Variants in RET observed in about 807,000 individuals in gnomAD.
RET encodes the protein ret proto-oncogene.
Under a neutral mutation model 118.3 loss-of-function variants are expected in RET, and 19 were observed. The observed-to-expected ratio is 0.16, with a 90% CI of 0.11 to 0.24. The LOEUF is 0.24. RET is among the 10% of genes least tolerant of loss of function. The pLI, the probability that RET is intolerant of heterozygous loss-of-function variation, is 1.00. For missense variants in RET, 1,219 were observed against 1,502.1 expected (o/e 0.81, Z 3.12); for synonymous variants, 597 against 644.1 (o/e 0.93, Z 1.11).
chr10:43,088,219 G>C (rs1837333428), intron 1 of RET, among the ~76,000 whole-genome samples: 1 of 150,970 alleles, frequency 6.6e-6, no homozygotes, highest in South Asian at 2.1e-4. Flanking sequence ...GGGAATGGTG[G>C]TGGTGGAGGC....
rs267607010 is a variant in RET, at chr10:43,114,497, C to G, written c.1897C>G (p.Leu633Val). 3.7e-6 allele frequency: 6 copies of G among 1,607,500 alleles called. No individual in the cohort carries two copies. In the African/African-American group the frequency reaches 8.0e-5, roughly 21 times the overall value. ...ACCCACAGATCCACTGTGCGACGAG[C>G]TGTGCCGCACGGTGATCGCAGCCGC... ...EDIQDPLCDELCRTVIAAAVL... is the reference protein window; with the variant it reads ...EDIQDPLCDEVCRTVIAAAVL... The change falls in exon 11 of 20, where the codon CTG becomes GTG. Residue 633 changes from leucine to valine, a missense_variant. By Grantham distance (32) the Leu-to-Val change is conservative. Around this residue, in one of 5 missense-constraint regions of RET, gnomAD observed 850 missense variants for 969.6 expected, o/e 0.88. Coordinates refer to ENST00000355710, the MANE Select transcript of RET (RefSeq NM_020975.6). This position sits in a 1 kb window ranked among gnomAD's most constrained non-coding sequence, Gnocchi z 4.6.
chr10:43,119,427 A>C, intron 13 of RET, 104 bp from the exon 14 acceptor site: 1 of 895,818 alleles, frequency 1.1e-6, no homozygotes, highest in Admixed American at 2.1e-5. Context: ...CCCCTTACTC[A>C]TTGGGTGGCC....
At chr10:43,087,487 A>G (rs1240874492) in intron 1 of RET, among the ~76,000 whole-genome samples, 1 of 152,252 alleles carries the variant, frequency 6.6e-6, no homozygotes, top group African/African-American at 2.4e-5. Flanking sequence ...TGCAGAGACC[A>G]GTGTTTTCTT....
chr10:43,107,559 TCACACACACACACACACACACACA>T (rs59876947), intron 5 of RET, among the ~76,000 whole-genome samples: 16 of 140,732 alleles, frequency 1.1e-4, no homozygotes, highest in Admixed American at 8.6e-4. Context: ...CCCCCATGCC[TCACACACACACACACACACACACA>T]CACACACACA....
chr10:43,080,248 G>C (rs978198325), intron 1 of RET, among the ~76,000 whole-genome samples: 3 of 152,162 alleles, frequency 2.0e-5, no homozygotes, highest in Non-Finnish European at 4.4e-5. Flanking sequence ...GGAAGGGAAG[G>C]CCCGGAAGCT....
chr10:43,126,478 C>T, intron 18 of RET, 97 bp from the exon 19 acceptor site: 1 of 1,110,996 alleles, frequency 9.0e-7, no homozygotes, highest in Non-Finnish European at 1.4e-6. Context: ...GGTGGAGACA[C>T]AGCCAGAGCC....
intron 4 of RET, 117 bp downstream of exon 4, chr10:43,105,310 C>G (rs1837744670): frequency 6.7e-7 from 1 of 1,485,982 alleles, no homozygotes; most frequent in Non-Finnish European, 9.2e-7. Flanking sequence ...TTCGCGCTTT[C>G]ATTTGTCCTT....
At chr10:43,102,995 T>A (rs1450620937) in intron 3 of RET, among the ~76,000 whole-genome samples, 1 of 150,004 alleles carries the variant, frequency 6.7e-6, no homozygotes, top group African/African-American at 2.4e-5. Flanking sequence ...CATTCCTCTA[T>A]CGTAAATTGG....
In RET at chr10:43,100,731, G is replaced by A. The variant is rs2435351; in HGVS notation, c.337+9G>A. 0.25 allele frequency: 396,526 copies of A among 1,583,280 alleles called. 52,243 individuals are homozygous for A. The highest frequency in any genetic ancestry group is 0.32 in the Admixed American group (17,793 of 55,680). ...GAAGCTCAGTGTCCGCAGTAAGGGA[G>A]CCGCCCCAACACCCACCCCGTGCCC... On this transcript the variant is annotated intron_variant, in intron 2 of 19. Coordinates refer to ENST00000355710, the MANE Select transcript of RET (RefSeq NM_020975.6).
intron 13 of RET, 38 bp downstream of exon 13, chr10:43,118,518 A>C (rs776801577): frequency 2.0e-6 from 3 of 1,493,046 alleles, no homozygotes; most frequent in African/African-American, 1.4e-5. Context: ...CAGCCACTGC[A>C]CCCAGGCTGG....
In RET at chr10:43,087,104, A is replaced by G. The variant is rs542085465; in HGVS notation, c.73+9773A>G. On this transcript the variant is annotated intron_variant, in intron 1 of 19. Transcript: ENST00000355710. ...TGTTTTCTGGCATGGGATGGGGTGA[A>G]TGATATCTCTGTTCTACAGCAGGGG... Among the ~76,000 whole-genome samples the G allele has an allele frequency of 6.6e-5, 10 of 152,312 alleles. No individual in the cohort carries two copies. In the South Asian group the frequency reaches 2.1e-3, roughly 32 times the overall value.
At chr10:43,102,767 G>A (rs1437155734) in intron 3 of RET, 138 bp downstream of exon 3, 2 of 1,076,898 alleles carry the variant, frequency 1.9e-6, no homozygotes, top group African/African-American at 1.6e-5. Flanking sequence ...AGTACCTCTT[G>A]CATGCCTGCC....
chr10:43,090,121 G>T (rs1415565869), intron 1 of RET, among the ~76,000 whole-genome samples: 1 of 152,242 alleles, frequency 6.6e-6, no homozygotes, highest in Non-Finnish European at 1.5e-5. Context: ...ACATGTGTGA[G>T]TAGGCCCAGG....
At chr10:43,119,323 C>G (rs543316127) in intron 13 of RET, among the ~76,000 whole-genome samples, 2 of 152,314 alleles carry the variant, frequency 1.3e-5, no homozygotes, top group Admixed American at 1.3e-4. Flanking sequence ...CAGCAGGAGG[C>G]AGAGAGCAAG....
intron 1 of RET, among the ~76,000 whole-genome samples, chr10:43,077,730 T>C (rs1405623058): frequency 6.6e-6 from 1 of 152,192 alleles, no homozygotes. Flanking sequence ...CCGCGATTCG[T>C]GCGGAGAGTT....
At chr10:43,079,509 G>A (rs1232296245) in intron 1 of RET, among the ~76,000 whole-genome samples, 1 of 152,228 alleles carries the variant, frequency 6.6e-6, no homozygotes, top group African/African-American at 2.4e-5. Flanking sequence ...AGATACAGCT[G>A]TCCCCGTTGC....
At chr10:43,098,421 C>CTTTTTT (rs36075879) in intron 1 of RET, among the ~76,000 whole-genome samples, 1 of 129,788 alleles carries the variant, frequency 7.7e-6, no homozygotes, top group Non-Finnish European at 1.6e-5. Flanking sequence ...GATTTTCCTC[C>CTTTTTT]TTTTTTTTTT....
chr10:43,110,669 C>A (rs1009455233), intron 6 of RET, among the ~76,000 whole-genome samples: 7 of 152,160 alleles, frequency 4.6e-5, no homozygotes, highest in African/African-American at 1.7e-4. Context: ...CCCCCTGGTC[C>A]TGCATGGGCT....
chr10:43,097,414 C>T lies in RET; in HGVS notation c.74-3045C>T, dbSNP rs547427868. On this transcript the variant is annotated intron_variant, in intron 1 of 19. Transcript: ENST00000355710. Reference sequence around the variant, plus strand: ...GGTGTGTGTCCCAGAGAAAACTAGACCCAGCTGAGCTGCATTGCCTCTCCC... The same window carrying T: ...GGTGTGTGTCCCAGAGAAAACTAGATCCAGCTGAGCTGCATTGCCTCTCCC... Among the ~76,000 whole-genome samples the T allele has an allele frequency of 1.2e-3, 181 of 152,252 alleles. 2 individuals carry two copies. Among genetic ancestry groups the T allele is most frequent in the Middle Eastern group, 3.4e-3 (1 of 294 alleles).
Sources: allele counts gnomAD v4.1 joint callset (sites outside exome capture counted in the v4.1 genomes callset), GRCh38; gene constraint gnomAD v4.1.1; regional missense constraint gnomAD v4.1.1; non-coding constraint Gnocchi (gnomAD v3.1); transcripts MANE v1.5; gene names NCBI Gene and HGNC (gene_info 2026-07-23, HGNC 2026-07-21).